NRP2: variants seen among roughly 807,000 people sequenced by gnomAD.
NRP2 encodes neuropilin 2, also known as neuropilin-2.
In NRP2, 52 loss-of-function variants were observed where a neutral mutation model predicts 110.4. The observed-to-expected ratio is 0.47, with a 90% CI of 0.38 to 0.59. The LOEUF is 0.59. Among genes scored for constraint, NRP2 ranks in the 20% least tolerant of loss-of-function variants. The pLI is 0.00. For missense variants in NRP2, 1,049 were observed against 1,203.0 expected (o/e 0.87, Z 1.89); for synonymous variants, 508 against 468.9 (o/e 1.08, Z -1.08).
At chr2:205,689,372 G>A (rs2056254263) in intron 1 of NRP2, among the ~76,000 whole-genome samples, 1 of 152,156 alleles carries the variant, frequency 6.6e-6, no homozygotes, top group Non-Finnish European at 1.5e-5. Flanking sequence ...TACTTCATAG[G>A]GTTGTTGGGC....
rs899442960 is a variant in NRP2 at position 205,725,526 on chromosome 2, A to G, written c.821-387A>G. On this transcript the variant is annotated intron_variant, in intron 5 of 16. Coordinates refer to ENST00000357785, the MANE Select transcript of NRP2 (RefSeq NM_003872.3). This position sits in a 1 kb window ranked among gnomAD's most constrained non-coding sequence, Gnocchi z 4.1. The stretch of plus-strand genomic sequence containing the variant: ...CCTCCTGGGTGTTTATTAATAAAGC[A>G]GGCTTCCCACGATGTATGAGCTCAC... Among the ~76,000 whole-genome samples, 3 of 152,244 alleles carry G rather than the reference A, an allele frequency of 2.0e-5. No homozygotes were observed.
At chr2:205,765,111 T>C (rs2057892707) in intron 13 of NRP2, among the ~76,000 whole-genome samples, 1 of 152,158 alleles carries the variant, frequency 6.6e-6, no homozygotes, top group Non-Finnish European at 1.5e-5. Flanking sequence ...GATTGGGCAT[T>C]TGAAAGATTT....
At chr2:205,690,533 C>T (rs554372917) in intron 1 of NRP2, among the ~76,000 whole-genome samples, 5 of 148,714 alleles carry the variant, frequency 3.4e-5, no homozygotes, top group South Asian at 4.3e-4. Flanking sequence ...GTCAGGAGTT[C>T]GAGACCAGCC....
At chr2:205,776,770 T>G in intron 15 of NRP2, 1 of 1,413,360 alleles carries the variant, frequency 7.1e-7, no homozygotes, top group Non-Finnish European at 9.2e-7. Context: ...TGCTGCATCT[T>G]GGACTATCCG....
At chr2:205,711,872 C>T (rs949882094) in intron 2 of NRP2, among the ~76,000 whole-genome samples, 6 of 152,174 alleles carry the variant, frequency 3.9e-5, no homozygotes, top group African/African-American at 9.7e-5. Context: ...GCACAGGCTC[C>T]GTTGACTAAC....
intron 2 of NRP2, among the ~76,000 whole-genome samples, chr2:205,702,301 G>A (rs1382111290): frequency 2.0e-5 from 3 of 152,194 alleles, no homozygotes; most frequent in African/African-American, 4.8e-5. Context: ...TGGGAAGTTT[G>A]AGTTCTGGGA....
chr2:205,766,521 T>C (rs751923096), intron 14 of NRP2, among the ~76,000 whole-genome samples: 27 of 152,124 alleles, frequency 1.8e-4, no homozygotes, highest in African/African-American at 6.3e-4. Flanking sequence ...TACAATACTT[T>C]AGGGACCCAT....
chr2:205,708,307 T>G (rs1168772834), intron 2 of NRP2, among the ~76,000 whole-genome samples: 2 of 152,168 alleles, frequency 1.3e-5, no homozygotes, highest in Non-Finnish European at 2.9e-5. Context: ...AGCAAACATG[T>G]TTCATCCAAG....
intron 7 of NRP2, 88 bp downstream of exon 7, chr2:205,728,134 G>C (rs2057165227): frequency 5.4e-6 from 8 of 1,476,702 alleles, no homozygotes; most frequent in Admixed American, 3.4e-5. Context: ...TCCTACAGGA[G>C]AGAGGGCCTT....
At chr2:205,775,960 AC>A (rs1426810422) in intron 15 of NRP2, among the ~76,000 whole-genome samples, 1 of 152,214 alleles carries the variant, frequency 6.6e-6, no homozygotes, top group Non-Finnish European at 1.5e-5. Flanking sequence ...TCCCATACTT[AC>A]TATTTAACTA....
At chr2:205,691,305 G>C (rs2105873001) in intron 1 of NRP2, among the ~76,000 whole-genome samples, 1 of 152,278 alleles carries the variant, frequency 6.6e-6, no homozygotes, top group South Asian at 2.1e-4. Context: ...TCCCAGTATG[G>C]GAGAGGAGAA....
chr2:205,759,549 A>G (rs2057787967), intron 12 of NRP2: 1 of 152,212 alleles, frequency 6.6e-6, no homozygotes, highest in Non-Finnish European at 1.5e-5. Context: ...AGGATCATGT[A>G]ATATTTTATT....
chr2:205,745,399 T>G (rs909273858), intron 9 of NRP2, among the ~76,000 whole-genome samples: 5 of 152,152 alleles, frequency 3.3e-5, no homozygotes, highest in African/African-American at 1.2e-4. Flanking sequence ...CCAAACTGCC[T>G]TCCCCCCTCT....
At chr2:205,704,836 A>T (rs1006354818) in intron 2 of NRP2, among the ~76,000 whole-genome samples, 13 of 152,240 alleles carry the variant, frequency 8.5e-5, no homozygotes, top group Non-Finnish European at 1.2e-4. Context: ...CCACCCTGGC[A>T]CCTTCTCCGA....
At chr2:205,767,107 G>A (rs2057936006) in intron 15 of NRP2, 1 of 480,010 alleles carries the variant, frequency 2.1e-6, no homozygotes, top group African/African-American at 2.0e-5. Flanking sequence ...TGAAAATGCA[G>A]GGGTGGTGAG....
intron 1 of NRP2, 23 bp downstream of exon 1, chr2:205,683,386 A>G (rs772412019): frequency 1.7e-5 from 26 of 1,563,766 alleles, no homozygotes; most frequent in Non-Finnish European, 2.3e-5. Flanking sequence ...AAGTTTTTCT[A>G]TTTATTGCAA....
chr2:205,722,384 G>A (rs2105810985), intron 3 of NRP2, 94 bp from the exon 4 acceptor site: 12 of 1,012,718 alleles, frequency 1.2e-5, no homozygotes, highest in Middle Eastern at 4.4e-4. Flanking sequence ...CAAGAGCAGG[G>A]GGATTTGGGG....
At chr2:205,716,577 C>CGG (rs940563565) in intron 3 of NRP2, among the ~76,000 whole-genome samples, 558 of 3,562 alleles carry the variant, frequency 0.16, 7 homozygotes, top group African/African-American at 0.46. Flanking sequence ...GGGCTGTGGG[C>CGG]GGGGGGGTGG....
At chr2:205,742,026 A>G (rs1406571515) in intron 8 of NRP2, among the ~76,000 whole-genome samples, 3 of 152,210 alleles carry the variant, frequency 2.0e-5, no homozygotes, top group African/African-American at 7.2e-5. Flanking sequence ...GGATCAGTTT[A>G]TGCTAATCCT....
Sources: gnomAD v4.1 joint callset for allele counts (sites outside exome capture counted in the v4.1 genomes callset) on GRCh38, gnomAD v4.1.1 for gene constraint, Gnocchi (gnomAD v3.1) non-coding constraint, MANE v1.5 for transcripts, NCBI Gene and HGNC (gene_info 2026-07-23, HGNC 2026-07-21) for gene names.